Variants in DHRSX observed in about 807,000 individuals in gnomAD.
DHRSX encodes the protein dehydrogenase/reductase X-linked.
Under a neutral mutation model 34.0 loss-of-function variants are expected in DHRSX, and 31 were observed. The ratio of observed to expected loss-of-function variants is 0.91; its 90% confidence interval spans 0.69 to 1.23. DHRSX has a LOEUF of 1.23. DHRSX is among the 50% of genes most tolerant of loss of function. The probability of loss-of-function intolerance (pLI) is 0.00; values close to 1 mark genes in which losing one functional copy is unlikely to be tolerated. For synonymous variants in DHRSX, 201 were observed against 183.8 expected (o/e 1.09, Z -0.76); for missense variants, 414 against 428.1 (o/e 0.97, Z 0.29).
intron 6 of DHRSX, among the ~76,000 whole-genome samples, chrX:2,228,756 C>G (rs775621231): frequency 3.3e-5 from 5 of 152,218 alleles, no homozygotes; most frequent in African/African-American, 1.2e-4. Flanking sequence ...CTCCTGTTCT[C>G]CAGATAGCAC....
At chrX:2,455,247 G>C (rs1249998106) in intron 1 of DHRSX, among the ~76,000 whole-genome samples, 3 of 151,898 alleles carry the variant, frequency 2.0e-5, no homozygotes, top group African/African-American at 4.8e-5. Context: ...GTAAGCATTG[G>C]GTACCCGTGG....
At chrX:2,418,563 A>C (rs896684941) in intron 2 of DHRSX, among the ~76,000 whole-genome samples, 4 of 152,244 alleles carry the variant, frequency 2.6e-5, no homozygotes, top group Non-Finnish European at 5.9e-5. Flanking sequence ...AGAATTAAGA[A>C]GATGAAAAAG....
At chrX:2,486,056 G>A (rs899042319) in intron 1 of DHRSX, among the ~76,000 whole-genome samples, 1 of 151,932 alleles carries the variant, frequency 6.6e-6, no homozygotes, top group South Asian at 2.1e-4. Flanking sequence ...GCTGGGGGGA[G>A]AGGGAAGGCG....
chrX:2,437,327 C>A (rs762903907), intron 1 of DHRSX, among the ~76,000 whole-genome samples: 1 of 151,952 alleles, frequency 6.6e-6, no homozygotes, highest in East Asian at 2.0e-4. Flanking sequence ...GATGCTCAGC[C>A]GAGTCTGGTG....
intron 3 of DHRSX, among the ~76,000 whole-genome samples, chrX:2,320,547 T>C: frequency 6.9e-6 from 1 of 144,672 alleles, no homozygotes; most frequent in Non-Finnish European, 1.5e-5. Context: ...CTGCCCACCT[T>C]GGCTTCCCAA....
At chrX:2,256,587 T>C (rs1208484390) in intron 5 of DHRSX, among the ~76,000 whole-genome samples, 2 of 152,164 alleles carry the variant, frequency 1.3e-5, no homozygotes, top group Non-Finnish European at 2.9e-5. Flanking sequence ...TATTTCACCA[T>C]GGGGATGATT....
At chrX:2,387,501 G>A (rs1288235222) in intron 3 of DHRSX, among the ~76,000 whole-genome samples, 3 of 152,136 alleles carry the variant, frequency 2.0e-5, no homozygotes, top group Non-Finnish European at 4.4e-5. Context: ...GAAGTATCCA[G>A]CACAGAGAAA....
At chrX:2,431,430 C>T (rs1325185860) in intron 1 of DHRSX, among the ~76,000 whole-genome samples, 7 of 151,944 alleles carry the variant, frequency 4.6e-5, no homozygotes, top group East Asian at 1.9e-4. Flanking sequence ...AATAGTGCTG[C>T]GATGAACACA....
At chrX:2,415,734 A>C (rs1462371161) in intron 2 of DHRSX, among the ~76,000 whole-genome samples, 1 of 149,104 alleles carries the variant, frequency 6.7e-6, no homozygotes, top group Non-Finnish European at 1.5e-5. Flanking sequence ...ACCAACCCAA[A>C]TAGACCTCAT....
intron 2 of DHRSX, among the ~76,000 whole-genome samples, chrX:2,423,904 G>A (rs112847346): frequency 0.11 from 17,476 of 152,158 alleles, 1,132 homozygotes; most frequent in Middle Eastern, 0.17. Flanking sequence ...ATCAAACCGT[G>A]AGTGTCTATA....
intron 3 of DHRSX, among the ~76,000 whole-genome samples, chrX:2,392,823 A>T (rs1296814495): frequency 7.1e-6 from 1 of 141,382 alleles, no homozygotes; most frequent in Non-Finnish European, 1.5e-5. Flanking sequence ...ATAATGACAC[A>T]AATATAATTT....
intron 3 of DHRSX, among the ~76,000 whole-genome samples, chrX:2,363,945 C>G (rs763668551): frequency 2.6e-5 from 4 of 151,924 alleles, no homozygotes; most frequent in African/African-American, 9.6e-5. Context: ...ACACTCAACA[C>G]ACAGGGACTG....
intron 1 of DHRSX, chrX:2,489,669 C>G (rs375919589): frequency 6.2e-7 from 1 of 1,612,298 alleles, no homozygotes; most frequent in East Asian, 2.2e-5. Flanking sequence ...CACCAGGAGA[C>G]GCGGTTGCTC....
Position 2,490,732 on chromosome X carries a change from G to A in DHRSX, c.109+10085C>T, listed in dbSNP as rs766804015. On this transcript the variant is annotated intron_variant, in intron 1 of 6. Coordinates refer to ENST00000334651, the MANE Select transcript of DHRSX (RefSeq NM_145177.3). ...TTTTATTCTCCATTGCTTCTCCACC[G>A]GAGCCTGCCTGCTGGACGGCTGCTC... The A allele has an allele frequency of 1.6e-4, 262 of 1,606,486 alleles. 1 individual carries two copies. The highest frequency in any genetic ancestry group is 2.0e-4 in the Non-Finnish European group (239 of 1,175,558).
At chrX:2,226,167 C>T (rs1427717721) in intron 6 of DHRSX, among the ~76,000 whole-genome samples, 1 of 152,186 alleles carries the variant, frequency 6.6e-6, no homozygotes, top group African/African-American at 2.4e-5. Context: ...GGTGACTTCT[C>T]TCCTGACTGG....
At chrX:2,465,841 G>C (rs937190723) in intron 1 of DHRSX, among the ~76,000 whole-genome samples, 1 of 125,800 alleles carries the variant, frequency 7.9e-6, no homozygotes, top group East Asian at 2.0e-4. Flanking sequence ...AAAGAAAACA[G>C]ACATATTCAT....
intron 3 of DHRSX, among the ~76,000 whole-genome samples, chrX:2,310,546 G>A (rs868500137): frequency 3.6e-4 from 40 of 110,034 alleles, no homozygotes; most frequent in Non-Finnish European, 7.3e-4. Flanking sequence ...GTGTGTATAT[G>A]TGTGTGTGTG....
chrX:2,434,247 T>C (rs2043965277), intron 1 of DHRSX, among the ~76,000 whole-genome samples: 1 of 152,202 alleles, frequency 6.6e-6, no homozygotes, highest in African/African-American at 2.4e-5. Flanking sequence ...TCACATGGAA[T>C]AGGTTAAAAA....
chrX:2,353,800 G>T (rs1250168198), intron 3 of DHRSX, among the ~76,000 whole-genome samples: 1 of 151,866 alleles, frequency 6.6e-6, no homozygotes, highest in African/African-American at 2.4e-5. Context: ...GGTCAGGCTG[G>T]TCTCGAACTC....
Sources: gnomAD v4.1 joint callset for allele counts (sites outside exome capture counted in the v4.1 genomes callset) on GRCh38, gnomAD v4.1.1 for gene constraint, MANE v1.5 for transcripts, NCBI Gene and HGNC (gene_info 2026-07-23, HGNC 2026-07-21) for gene names.